SGCZ: variants seen among roughly 807,000 people sequenced by gnomAD.
The protein encoded by SGCZ is sarcoglycan zeta.
A neutral mutation model predicts 41.3 loss-of-function variants in SGCZ; 40 were observed. That is an observed-to-expected ratio of 0.97 (90% CI 0.75 to 1.26). The LOEUF (loss-of-function observed/expected upper bound fraction) is 1.26. Ranked by LOEUF, SGCZ falls within the 50% of genes most tolerant of loss-of-function variation. SGCZ has a pLI of 0.00. For synonymous variants in SGCZ, 206 were observed against 137.5 expected, an observed-to-expected ratio of 1.50 and a Z score of -3.49; for missense variants, 552 against 369.8, an observed-to-expected ratio of 1.49 and a Z score of -4.04.
At chr8:15,034,019 G>A (rs766460707) in intron 1 of SGCZ, among the ~76,000 whole-genome samples, 10 of 152,102 alleles carry the variant, frequency 6.6e-5, no homozygotes, top group Non-Finnish European at 1.3e-4. Context: ...TTCTTTAAAT[G>A]TACAGGCTTC....
chr8:14,479,365 G>C (rs897647448), intron 2 of SGCZ, among the ~76,000 whole-genome samples: 1 of 152,130 alleles, frequency 6.6e-6, no homozygotes, highest in African/African-American at 2.4e-5. Context: ...TTTCCTCTTT[G>C]CTCCGCCTGC....
At chr8:14,758,149 T>C (rs1265044951) in intron 1 of SGCZ, among the ~76,000 whole-genome samples, 1 of 152,222 alleles carries the variant, frequency 6.6e-6, no homozygotes, top group African/African-American at 2.4e-5. Context: ...TCTCTCCTTA[T>C]GCACATATTC....
At chr8:14,560,822 A>G (rs1510428) in intron 1 of SGCZ, among the ~76,000 whole-genome samples, 23,988 of 152,064 alleles carry the variant, frequency 0.16, 1,959 homozygotes, top group South Asian at 0.2. Context: ...TTTGACAAGC[A>G]AATGAGATAA....
At chr8:14,387,845 C>G (rs1038635062) in intron 2 of SGCZ, among the ~76,000 whole-genome samples, 5 of 151,910 alleles carry the variant, frequency 3.3e-5, no homozygotes, top group African/African-American at 9.7e-5. Context: ...CTATTTAACA[C>G]AAAGATCATT....
intron 1 of SGCZ, among the ~76,000 whole-genome samples, chr8:14,900,818 A>G (rs1194409826): frequency 6.6e-6 from 1 of 152,208 alleles, no homozygotes; most frequent in Admixed American, 6.5e-5. Context: ...CAAAATTCAG[A>G]ATCTTTCCTT....
intron 1 of SGCZ, among the ~76,000 whole-genome samples, chr8:14,608,411 G>A (rs1805821524): frequency 6.6e-6 from 1 of 151,894 alleles, no homozygotes; most frequent in Admixed American, 6.6e-5. Context: ...CTTCTGGAGA[G>A]GCCACAGGAT....
At chr8:14,292,887 T>C (rs1335883848) in intron 3 of SGCZ, among the ~76,000 whole-genome samples, 1 of 152,020 alleles carries the variant, frequency 6.6e-6, no homozygotes, top group Non-Finnish European at 1.5e-5. Context: ...ATATTATTTT[T>C]GCTATTATTT....
chr8:15,218,196 C>A (rs1386887103), intron 1 of SGCZ, among the ~76,000 whole-genome samples: 3 of 151,930 alleles, frequency 2.0e-5, no homozygotes, highest in African/African-American at 7.3e-5. Flanking sequence ...TCATGAAAGA[C>A]TTTGTATTTT....
chr8:14,895,954 G>C (rs1563346040), intron 1 of SGCZ, among the ~76,000 whole-genome samples: 1 of 152,144 alleles, frequency 6.6e-6, no homozygotes, highest in Non-Finnish European at 1.5e-5. Context: ...TAAAATGTTT[G>C]CATTAAAAAT....
In SGCZ at chr8:14,088,213, C is replaced by CTATT. The variant is rs1184279391; in HGVS notation, c.*2226_*2229dup. ...TGGAACAGAAAGGAACCCCAAGAGA[C>CTATT]TATTTTATTCAATACTTTTGCTGTG... is the stretch of plus-strand genomic sequence containing the variant. On this transcript the variant is annotated 3_prime_UTR_variant, in exon 8 of 8. Coordinates refer to ENST00000382080, the MANE Select transcript of SGCZ (RefSeq NM_139167.4). Among the ~76,000 whole-genome samples, 1 of 151,678 alleles carries CTATT rather than the reference C, an allele frequency of 6.6e-6. No individual in the cohort carries two copies. The highest frequency in any genetic ancestry group is 2.4e-5 in the African/African-American group (1 of 41,356).
intron 1 of SGCZ, among the ~76,000 whole-genome samples, chr8:14,754,671 C>A (rs1439129497): frequency 6.6e-6 from 1 of 152,074 alleles, no homozygotes; most frequent in Non-Finnish European, 1.5e-5. Flanking sequence ...AAGAAATTTG[C>A]ACTTATAAAC....
intron 1 of SGCZ, among the ~76,000 whole-genome samples, chr8:14,699,127 A>C (rs535543399): frequency 6.6e-6 from 1 of 151,592 alleles, no homozygotes; most frequent in South Asian, 2.1e-4. Context: ...ATTAAAGGAC[A>C]CTAAAACAGT....
intron 1 of SGCZ, among the ~76,000 whole-genome samples, chr8:15,205,882 A>T (rs896622300): frequency 1.3e-5 from 2 of 152,350 alleles, no homozygotes; most frequent in Admixed American, 6.5e-5. Context: ...TAAATGACAG[A>T]TGAGATGGAA....
intron 4 of SGCZ, among the ~76,000 whole-genome samples, chr8:14,192,013 C>T (rs1025847998): frequency 6.6e-6 from 1 of 152,044 alleles, no homozygotes; most frequent in African/African-American, 2.4e-5. Flanking sequence ...TTTGTATAAA[C>T]ATACTATTAA....
chr8:14,925,652 G>C (rs942466537), intron 1 of SGCZ, among the ~76,000 whole-genome samples: 1 of 152,200 alleles, frequency 6.6e-6, no homozygotes, highest in Non-Finnish European at 1.5e-5. Context: ...AATCCTTCAA[G>C]AAGCATCCTA....
intron 1 of SGCZ, among the ~76,000 whole-genome samples, chr8:15,208,222 G>T (rs1430458442): frequency 6.6e-6 from 1 of 152,158 alleles, no homozygotes; most frequent in Non-Finnish European, 1.5e-5. Flanking sequence ...GCTGGAAAAC[G>T]ATGATGAAAG....
At chr8:14,146,591 G>C (rs1483776786) in intron 5 of SGCZ, among the ~76,000 whole-genome samples, 1 of 152,084 alleles carries the variant, frequency 6.6e-6, no homozygotes, top group East Asian at 1.9e-4. Context: ...ATCCTAAATA[G>C]ACTAAATTAT....
chr8:14,817,651 G>T (rs918137653), intron 1 of SGCZ, among the ~76,000 whole-genome samples: 2 of 152,166 alleles, frequency 1.3e-5, no homozygotes, highest in South Asian at 4.1e-4. Context: ...GAATTACCAA[G>T]ATCTCAATGT....
At chr8:14,900,875 T>G (rs1441815457) in intron 1 of SGCZ, among the ~76,000 whole-genome samples, 1 of 152,194 alleles carries the variant, frequency 6.6e-6, no homozygotes, top group African/African-American at 2.4e-5. Flanking sequence ...ATGTTGAAAA[T>G]TAAAATGTTT....
Sources: allele counts gnomAD v4.1 joint callset (sites outside exome capture counted in the v4.1 genomes callset), GRCh38; gene constraint gnomAD v4.1.1; transcripts MANE v1.5; gene names NCBI Gene and HGNC (gene_info 2026-07-23, HGNC 2026-07-21).